Variants in PACRG observed in about 807,000 individuals in gnomAD.
PACRG encodes parkin coregulated.
A neutral mutation model predicts 29.7 loss-of-function variants in PACRG; 29 were observed. That is an observed-to-expected ratio of 0.98 (90% CI 0.73 to 1.33). PACRG has a LOEUF of 1.33. Among genes scored for constraint, PACRG ranks in the 40% most tolerant of loss-of-function variants. The probability of loss-of-function intolerance (pLI) is 0.00; values close to 1 mark genes in which losing one functional copy is unlikely to be tolerated. For synonymous variants in PACRG, 116 were observed against 118.7 expected, an observed-to-expected ratio of 0.98 and a Z score of 0.15; for missense variants, 279 against 316.2, an observed-to-expected ratio of 0.88 and a Z score of 0.89.
At chr6:163,244,408 A>G (rs1782617608) in intron 4 of PACRG, among the ~76,000 whole-genome samples, 1 of 152,192 alleles carries the variant, frequency 6.6e-6, no homozygotes, top group African/African-American at 2.4e-5. Flanking sequence ...TTACAAGCAC[A>G]TTTTAGACAC....
intron 3 of PACRG, among the ~76,000 whole-genome samples, chr6:163,079,607 A>G (rs1231182890): frequency 4.6e-5 from 7 of 152,154 alleles, no homozygotes; most frequent in Non-Finnish European, 8.8e-5. Context: ...GACTCCTGGT[A>G]ACAACTACTA....
chr6:162,947,583 CAT>C (rs746673462), intron 2 of PACRG, among the ~76,000 whole-genome samples: 17,042 of 42,174 alleles, frequency 0.4, 4,037 homozygotes, highest in Non-Finnish European at 0.52. Context: ...CATATATAAT[CAT>C]ATATATAATC....
chr6:162,947,619 T>TATATATATATAATC (rs1554313378), intron 2 of PACRG, among the ~76,000 whole-genome samples: 2 of 47,314 alleles, frequency 4.2e-5, no homozygotes, highest in African/African-American at 1.6e-4. Context: ...ATCATATATA[T>TATATATATATAATC]ATATATATAT....
intron 4 of PACRG, chr6:163,191,861 C>T (rs904419578): frequency 4.7e-6 from 2 of 425,304 alleles, no homozygotes; most frequent in Non-Finnish European, 9.5e-6. Flanking sequence ...GAAAGCCACA[C>T]CCCGCCTGGT....
chr6:163,237,602 A>C (rs1246449225), intron 4 of PACRG, among the ~76,000 whole-genome samples: 2 of 152,190 alleles, frequency 1.3e-5, no homozygotes, highest in Non-Finnish European at 2.9e-5. Context: ...AGTAAATTGG[A>C]GTTGTCTCTT....
At chr6:162,950,643 A>G (rs1051039427) in intron 2 of PACRG, among the ~76,000 whole-genome samples, 2 of 152,220 alleles carry the variant, frequency 1.3e-5, no homozygotes, top group African/African-American at 4.8e-5. Context: ...AATTTGTTTC[A>G]GTATTTAAAG....
intron 2 of PACRG, among the ~76,000 whole-genome samples, chr6:162,908,624 A>G (rs1796095508): frequency 6.6e-6 from 1 of 152,118 alleles, no homozygotes; most frequent in African/African-American, 2.4e-5. Context: ...CTGTAACCAC[A>G]GTAGAGATAG....
chr6:163,030,618 A>T (rs1807570491), intron 2 of PACRG, among the ~76,000 whole-genome samples: 1 of 152,194 alleles, frequency 6.6e-6, no homozygotes, highest in Admixed American at 6.5e-5. Flanking sequence ...TTTATTAAGA[A>T]AGTACAGGAA....
intron 2 of PACRG, among the ~76,000 whole-genome samples, chr6:162,926,641 T>G (rs113924835): frequency 8.7e-4 from 133 of 152,232 alleles, no homozygotes; most frequent in African/African-American, 3.2e-3. Context: ...TTACACATTA[T>G]ATAAAAATTA....
chr6:163,250,395 G>A (rs909701147), intron 4 of PACRG, among the ~76,000 whole-genome samples: 1 of 152,240 alleles, frequency 6.6e-6, no homozygotes, highest in Admixed American at 6.5e-5. Flanking sequence ...CCATGCACCG[G>A]AGTTCTGCTC....
chr6:162,926,076 A>G (rs1423480976), intron 2 of PACRG, among the ~76,000 whole-genome samples: 1 of 152,110 alleles, frequency 6.6e-6, no homozygotes, highest in Non-Finnish European at 1.5e-5. Flanking sequence ...AGAATAAAAT[A>G]CCTAGGAATA....
intron 2 of PACRG, among the ~76,000 whole-genome samples, chr6:162,859,958 T>C (rs1371873713): frequency 2.0e-5 from 3 of 152,000 alleles, no homozygotes; most frequent in East Asian, 3.9e-4. Flanking sequence ...GTCTCCGCCA[T>C]GACTCTTGTA....
chr6:163,014,233 C>T (rs1379429895), intron 2 of PACRG, among the ~76,000 whole-genome samples: 3 of 152,156 alleles, frequency 2.0e-5, no homozygotes, highest in Non-Finnish European at 2.9e-5. Context: ...ATATGTACCA[C>T]ATTTTCTTTA....
intron 2 of PACRG, among the ~76,000 whole-genome samples, chr6:162,955,782 G>A (rs182455529): frequency 8.3e-4 from 126 of 152,306 alleles, no homozygotes; most frequent in African/African-American, 2.8e-3. Context: ...GTGTCCAAGG[G>A]CCCAGGTCTG....
intron 4 of PACRG, among the ~76,000 whole-genome samples, chr6:163,219,376 C>T (rs1781486461): frequency 6.6e-6 from 1 of 152,248 alleles, no homozygotes; most frequent in Non-Finnish European, 1.5e-5. Context: ...GCATGTCTCA[C>T]AGTATCCAGA....
intron 2 of PACRG, among the ~76,000 whole-genome samples, chr6:162,858,047 C>T (rs574380029): frequency 1.3e-5 from 2 of 152,292 alleles, no homozygotes; most frequent in Admixed American, 1.3e-4. Flanking sequence ...CATCATTGTG[C>T]TGACATATAT....
intron 2 of PACRG, among the ~76,000 whole-genome samples, chr6:162,883,084 C>T (rs975606675): frequency 2.6e-5 from 4 of 152,050 alleles, no homozygotes; most frequent in Non-Finnish European, 5.9e-5. Context: ...TTATTATTTA[C>T]TAAATGAAAC....
At chr6:162,815,972 A>G (rs1384781815) in intron 2 of PACRG, among the ~76,000 whole-genome samples, 3 of 152,166 alleles carry the variant, frequency 2.0e-5, no homozygotes, top group African/African-American at 4.8e-5. Context: ...TAGATTTACT[A>G]TGATTCAAAT....
chr6:163,034,668 T>C (rs926530851), intron 2 of PACRG, among the ~76,000 whole-genome samples: 1 of 152,158 alleles, frequency 6.6e-6, no homozygotes. Flanking sequence ...TTGGGGGATC[T>C]CCTCAGCATC....
Sources: gnomAD v4.1 joint callset for allele counts (sites outside exome capture counted in the v4.1 genomes callset) on GRCh38, gnomAD v4.1.1 for gene constraint, MANE v1.5 for transcripts, NCBI Gene and HGNC (gene_info 2026-07-23, HGNC 2026-07-21) for gene names.